The following DNAJC6 variants were observed in gnomAD, a reference collection of about 807,000 sequenced individuals.
DNAJC6 encodes the protein DnaJ heat shock protein family (Hsp40) member C6.
In DNAJC6, 34 loss-of-function variants were observed where a neutral mutation model predicts 110.0. That is an observed-to-expected ratio of 0.31 (90% CI 0.24 to 0.41). The LOEUF is 0.41. DNAJC6 is among the 10% of genes least tolerant of loss of function. The probability of loss-of-function intolerance (pLI) is 1.00; values close to 1 mark genes in which losing one functional copy is unlikely to be tolerated. For missense variants in DNAJC6, 1,031 were observed against 1,207.8 expected (o/e 0.85, Z 2.17); for synonymous variants, 406 against 437.2 (o/e 0.93, Z 0.89).
intron 5 of DNAJC6, among the ~76,000 whole-genome samples, chr1:65,380,251 T>C (rs1174033239): frequency 6.6e-6 from 1 of 152,214 alleles, no homozygotes; most frequent in Non-Finnish European, 1.5e-5. Context: ...ACTGCAGGCA[T>C]AAAAGGCTTC....
Position 65,386,858 on chromosome 1 carries a change from A to T in DNAJC6, c.1042A>T (p.Thr348Ser), listed in dbSNP as rs767641673. 29 of 1,613,988 alleles carry T rather than the reference A, an allele frequency of 1.8e-5. No homozygotes were observed. The highest frequency in any genetic ancestry group is 3.4e-6 in the Non-Finnish European group (4 of 1,179,996). The change falls in exon 8 of 19, where the codon ACT becomes TCT. Residue 348 changes from threonine (T) to serine (S), a missense_variant. Transcript: ENST00000371069. Reference sequence around the variant, plus strand: ...AAAAATCTTCATTCCCTTGAACATCACTGTGCAAGGAGACGTGGTTGTTTC... The same window carrying T: ...AAAAATCTTCATTCCCTTGAACATCTCTGTGCAAGGAGACGTGGTTGTTTC... The part of the protein sequence containing the change: ...DGKIFIPLNI[T>S]VQGDVVVSMY...
At position 65,411,364 on chromosome 1, in the gene DNAJC6, G is replaced by A. The variant is rs1213395431; in HGVS notation, c.2749G>A (p.Val917Ile). Residue 917 changes from valine to isoleucine, a missense_variant, in exon 18 of 19, where the codon GTA (valine) becomes ATA (isoleucine). Val to Ile is a conservative substitution (Grantham distance 29, BLOSUM62 3). Transcript: ENST00000371069. ...GAAACCAGTTGGCATGGCAGACCTGGTAACACCAGAGCAGGTGAAGAAGGT... is the reference window on the plus strand; with the variant it reads ...GAAACCAGTTGGCATGGCAGACCTGATAACACCAGAGCAGGTGAAGAAGGT... ...KWKPVGMADLVTPEQVKKVYR... is the reference protein window; with the variant it reads ...KWKPVGMADLITPEQVKKVYR... 1 of 1,614,076 alleles carries A rather than the reference G, an allele frequency of 6.2e-7. No homozygotes were observed. Among genetic ancestry groups the A allele is most frequent in the African/African-American group, 1.3e-5 (1 of 74,930 alleles).
In DNAJC6 at chr1:65,405,867, TAGGTAG is replaced by T. The variant is rs1570383723; in HGVS notation, c.2228-2_2231del. On this transcript the variant is annotated splice_acceptor_variant and coding_sequence_variant, in exon 16 of 19. Coordinates refer to ENST00000371069, the MANE Select transcript of DNAJC6 (RefSeq NM_001256864.2). LOFTEE classifies it high-confidence loss of function. ...TACCTTCTTTATCTCTTTTTTTCTT[TAGGTAG>T]TTCTTCCTTTGCCAGCAAACCCACC... 2 of 1,591,598 alleles carry T rather than the reference TAGGTAG, an allele frequency of 1.3e-6. No homozygotes were observed. Among genetic ancestry groups the T allele is most frequent in the Admixed American group, 3.6e-5 (2 of 56,228 alleles).
At chr1:65,270,879 A>C (rs1362244106) in intron 1 of DNAJC6, among the ~76,000 whole-genome samples, 1 of 152,140 alleles carries the variant, frequency 6.6e-6, no homozygotes, top group Non-Finnish European at 1.5e-5. Context: ...GGGTTTCACC[A>C]TGTTGGCCAG....
At chr1:65,305,604 C>T (rs1210792434), upstream of DNAJC6, among the ~76,000 whole-genome samples, 2 of 152,046 alleles carry the variant, frequency 1.3e-5, no homozygotes, top group East Asian at 3.9e-4. Flanking sequence ...CTAATGAGAG[C>T]GAGGTGCTCT....
intron 7 of DNAJC6, 109 bp from the exon 8 acceptor site, chr1:65,386,703 C>T (rs1336351714): frequency 3.2e-6 from 3 of 923,930 alleles, no homozygotes; most frequent in Non-Finnish European, 5.1e-6. Flanking sequence ...TGGGTCCGGG[C>T]CTGGGCGAAC....
At chr1:65,403,200 A>G (rs968024365) in intron 15 of DNAJC6, among the ~76,000 whole-genome samples, 1 of 152,394 alleles carries the variant, frequency 6.6e-6, no homozygotes, top group Non-Finnish European at 1.5e-5. Context: ...AGTGTTTTAC[A>G]TATATCATTT....
chr1:65,318,486 G>A (rs992706990), intron 1 of DNAJC6, among the ~76,000 whole-genome samples: 1 of 152,146 alleles, frequency 6.6e-6, no homozygotes, highest in Non-Finnish European at 1.5e-5. Context: ...TGCATCAGAT[G>A]TACCTGAGTA....
chr1:65,386,934 G>C lies in DNAJC6; in HGVS notation c.1113+5G>C. On this transcript the variant is annotated splice_donor_5th_base_variant and intron_variant, in intron 8 of 18. Coordinates refer to ENST00000371069, the MANE Select transcript of DNAJC6 (RefSeq NM_001256864.2). ...GGGAGCCGGCTACAGGCTAAGGTAT[G>C]GTTTTTGGAAGAATCATGGCATAAG... 6.2e-7 allele frequency: 1 copy of C among 1,610,778 alleles called. No individual in the cohort carries two copies. The highest frequency in any genetic ancestry group is 8.5e-7 in the Non-Finnish European group (1 of 1,176,978).
At position 65,413,647 on chromosome 1, in the gene DNAJC6, C is replaced by T. The variant is rs1453006114; in HGVS notation, c.*622C>T. The T allele has an allele frequency of 3.3e-5, 5 of 152,084 alleles. No individual in the cohort carries two copies. The highest frequency in any genetic ancestry group is 3.3e-4 in the Admixed American group (5 of 15,274). The allele number at this position is 152,084 out of a possible 1,614,324, so 9.4% of individuals were successfully genotyped here. A position where few individuals can be genotyped will look rare whatever the true frequency, so the allele number is the denominator to read the frequency against. ...TTAAACTACAGTCCAGTGATTACCA[C>T]CAACTTTCTGACTAAGCTAAAAATG... On this transcript the variant is annotated 3_prime_UTR_variant, in exon 19 of 19. Coordinates refer to ENST00000371069, the MANE Select transcript of DNAJC6 (RefSeq NM_001256864.2).
rs1406952394 is a variant in DNAJC6 at position 65,405,886 on chromosome 1, C to A, written c.2244C>A (p.Ala748=). 1.2e-6 allele frequency: 2 copies of A among 1,602,462 alleles called. No homozygotes were observed. The highest frequency in any genetic ancestry group is 1.3e-5 in the African/African-American group (1 of 74,466). The change falls in exon 16 of 19, where the codon GCC becomes GCA. Residue 748 remains alanine (A), a synonymous_variant. Coordinates refer to ENST00000371069, the MANE Select transcript of DNAJC6 (RefSeq NM_001256864.2). ...TTTCTTTAGGTAGTTCTTCCTTTGC[C>A]AGCAAACCCACCACACCAACTGGAT... ...DLGTLGSSSF[A]SKPTTPTGLG... is the part of the protein sequence containing the mutation.
chr1:65,412,846 T>C, intron 18 of DNAJC6, 78 bp from the exon 19 acceptor site: 2 of 1,172,342 alleles, frequency 1.7e-6, no homozygotes, highest in South Asian at 2.7e-5. Context: ...TTAGAGCCCA[T>C]ATATTGGCAG....
intron 1 of DNAJC6, among the ~76,000 whole-genome samples, chr1:65,289,231 T>C (rs1352396507): frequency 6.6e-6 from 1 of 152,180 alleles, no homozygotes; most frequent in Non-Finnish European, 1.5e-5. Flanking sequence ...AGTCTCGCTC[T>C]GTTACCTAGG....
intron 1 of DNAJC6, among the ~76,000 whole-genome samples, chr1:65,302,245 TA>T (rs1237198364): frequency 1.4e-4 from 3 of 20,700 alleles, no homozygotes; most frequent in Non-Finnish European, 2.5e-4. Context: ...ATTGATATAT[TA>T]ATATATAATA....
At chr1:65,401,175 C>T (rs1258359712) in intron 14 of DNAJC6, among the ~76,000 whole-genome samples, 2 of 152,088 alleles carry the variant, frequency 1.3e-5, no homozygotes, top group South Asian at 2.1e-4. Flanking sequence ...TTGGGTCTTA[C>T]ATTTAAATCT....
At chr1:65,355,394 T>G (rs1464285804) in intron 1 of DNAJC6, among the ~76,000 whole-genome samples, 3 of 152,194 alleles carry the variant, frequency 2.0e-5, no homozygotes, top group South Asian at 4.1e-4. Context: ...ATGCTTCCTA[T>G]GTGGCCTGAA....
At chr1:65,302,523 C>CTTTTTTTTT (rs1169755787) in intron 1 of DNAJC6, among the ~76,000 whole-genome samples, 2 of 85,336 alleles carry the variant, frequency 2.3e-5, no homozygotes, top group African/African-American at 5.2e-5. Context: ...CTCTTCCTTT[C>CTTTTTTTTT]TTTTTTTTTT....
At chr1:65,385,618 C>T in intron 6 of DNAJC6, 94 bp from the exon 7 acceptor site, 2 of 1,094,354 alleles carry the variant, frequency 1.8e-6, no homozygotes, top group South Asian at 2.6e-5. Context: ...TTTATTATAA[C>T]AGTAATTTGC....
intron 1 of DNAJC6, among the ~76,000 whole-genome samples, chr1:65,312,595 A>G (rs988746185): frequency 1.3e-5 from 2 of 152,226 alleles, no homozygotes; most frequent in Non-Finnish European, 2.9e-5. Flanking sequence ...AGTGGAAAAA[A>G]TATGTTGACA....
Sources: allele counts gnomAD v4.1 joint callset (sites outside exome capture counted in the v4.1 genomes callset), GRCh38; gene constraint gnomAD v4.1.1; transcripts MANE v1.5; gene names NCBI Gene and HGNC (gene_info 2026-07-23, HGNC 2026-07-21).